TSPAN18: variants seen among roughly 807,000 people sequenced by gnomAD.
TSPAN18 encodes the protein tetraspanin-18.
In TSPAN18, 14 loss-of-function variants were observed where a neutral mutation model predicts 27.3. The observed-to-expected ratio is 0.51, with a 90% CI of 0.34 to 0.80. The LOEUF is 0.80. TSPAN18 is among the 30% of genes least tolerant of loss of function. TSPAN18 has a pLI of 0.01. For missense variants in TSPAN18, 268 were observed against 323.9 expected (o/e 0.83, Z 1.32); for synonymous variants, 143 against 136.5 (o/e 1.05, Z -0.33).
At chr11:44,786,332 C>T (rs572857909) in intron 2 of TSPAN18, among the ~76,000 whole-genome samples, 47 of 152,298 alleles carry the variant, frequency 3.1e-4, no homozygotes, top group African/African-American at 7.7e-4. Context: ...CCCCAGGCCT[C>T]CTCATGGGGA....
intron 2 of TSPAN18, among the ~76,000 whole-genome samples, chr11:44,850,702 GT>G (rs1368434767): frequency 4.0e-5 from 6 of 151,876 alleles, no homozygotes; most frequent in Non-Finnish European, 7.4e-5. Context: ...TTCACATAAG[GT>G]ATCTAAGGTC....
At chr11:44,903,677 A>T (rs1313011847) in intron 3 of TSPAN18, 1 of 455,844 alleles carries the variant, frequency 2.2e-6, no homozygotes, top group East Asian at 7.0e-5. Flanking sequence ...AGAGAGGATG[A>T]TGTCATCCGA....
intron 3 of TSPAN18, among the ~76,000 whole-genome samples, chr11:44,897,343 C>A (rs1859096437): frequency 6.6e-6 from 1 of 152,174 alleles, no homozygotes; most frequent in Admixed American, 6.5e-5. Context: ...AGTTGATGAA[C>A]AGGGCCCTGC....
chr11:44,752,834 A>G (rs1233472683), intron 1 of TSPAN18, among the ~76,000 whole-genome samples: 4 of 152,230 alleles, frequency 2.6e-5, no homozygotes, highest in Admixed American at 6.5e-5. Flanking sequence ...TTAATGCCCT[A>G]TAAGGCAGAA....
chr11:44,817,222 G>A (rs534557215), intron 2 of TSPAN18, among the ~76,000 whole-genome samples: 18 of 152,364 alleles, frequency 1.2e-4, no homozygotes, highest in African/African-American at 4.3e-4. Context: ...CCCTCACTGT[G>A]AGCTTGAGCA....
intron 1 of TSPAN18, among the ~76,000 whole-genome samples, chr11:44,751,667 C>G (rs1855213351): frequency 6.6e-6 from 1 of 152,078 alleles, no homozygotes; most frequent in Non-Finnish European, 1.5e-5. Flanking sequence ...CCTGTAATCC[C>G]AGCACTTTGG....
At chr11:44,929,105 T>A (rs770057466) in intron 9 of TSPAN18, 26 bp from the exon 10 acceptor site, 6 of 1,612,576 alleles carry the variant, frequency 3.7e-6, no homozygotes, top group Non-Finnish European at 5.1e-6. Flanking sequence ...GATAAGCCAG[T>A]TCCTGCTCTT....
chr11:44,905,833 G>T (rs1243419988), intron 3 of TSPAN18, among the ~76,000 whole-genome samples: 1 of 152,202 alleles, frequency 6.6e-6, no homozygotes, highest in African/African-American at 2.4e-5. Context: ...CCAGAAGCAG[G>T]TTTTAGATCC....
intron 5 of TSPAN18, among the ~76,000 whole-genome samples, chr11:44,911,498 C>T (rs1035733542): frequency 6.6e-6 from 1 of 152,178 alleles, no homozygotes; most frequent in Admixed American, 6.5e-5. Flanking sequence ...CAAAGAAAAA[C>T]TTTGAGCGCC....
intron 2 of TSPAN18, among the ~76,000 whole-genome samples, chr11:44,807,775 G>A (rs1051061305): frequency 3.3e-5 from 5 of 152,132 alleles, no homozygotes; most frequent in African/African-American, 9.7e-5. Context: ...AATGCCTTTG[G>A]ACATCAGTTT....
chr11:44,774,749 A>G (rs1855766193), intron 2 of TSPAN18, among the ~76,000 whole-genome samples: 1 of 152,114 alleles, frequency 6.6e-6, no homozygotes, highest in Non-Finnish European at 1.5e-5. Context: ...AGGACTCACC[A>G]CCTGATAGAA....
At chr11:44,824,657 G>T (rs989832377) in intron 2 of TSPAN18, among the ~76,000 whole-genome samples, 3 of 152,260 alleles carry the variant, frequency 2.0e-5, no homozygotes, top group Non-Finnish European at 4.4e-5. Flanking sequence ...CTGTGCCTGG[G>T]ATTCCAGAGG....
intron 2 of TSPAN18, among the ~76,000 whole-genome samples, chr11:44,815,991 A>G (rs1194131501): frequency 6.6e-6 from 1 of 152,086 alleles, no homozygotes; most frequent in East Asian, 1.9e-4. Flanking sequence ...GTGCAGCACA[A>G]ATGCAGTGGG....
chr11:44,900,693 T>C (rs1260756488), intron 3 of TSPAN18, among the ~76,000 whole-genome samples: 14 of 134,236 alleles, frequency 1.0e-4, no homozygotes, highest in Non-Finnish European at 2.2e-4. Context: ...TTTTTTTTTT[T>C]TTTTTTTTTT....
At chr11:44,832,076 G>A (rs886284959) in intron 2 of TSPAN18, among the ~76,000 whole-genome samples, 15 of 152,210 alleles carry the variant, frequency 9.9e-5, no homozygotes, top group East Asian at 5.8e-4. Context: ...GGAAAATAGC[G>A]GCCACCTGTC....
At chr11:44,903,586 C>T in intron 3 of TSPAN18, 1 of 456,492 alleles carries the variant, frequency 2.2e-6, no homozygotes, top group Non-Finnish European at 4.4e-6. Context: ...AGTCCCAGCC[C>T]AGAGGCTGCA....
Position 44,880,475 on chromosome 11 carries a change from C to T in TSPAN18, c.-11+20006C>T, listed in dbSNP as rs117737875. Among the ~76,000 whole-genome samples, 162 of 152,274 alleles carry T rather than the reference C, an allele frequency of 1.1e-3. 1 individual carries two copies. Among genetic ancestry groups the T allele is most frequent in the Non-Finnish European group, 1.9e-3 (126 of 68,036 alleles). On this transcript the variant is annotated intron_variant, in intron 3 of 9. Coordinates refer to ENST00000520358, the MANE Select transcript of TSPAN18 (RefSeq NM_130783.5). ...ATGTTATTAGCAGTAAATGAGAGTGCGGGTGAAGCACACAGAAGGTCTCCT... is the reference window on the plus strand; with the variant it reads ...ATGTTATTAGCAGTAAATGAGAGTGTGGGTGAAGCACACAGAAGGTCTCCT...
Position 44,929,430 on chromosome 11 carries a change from G to T in TSPAN18, c.*252G>T. 1 of 531,076 alleles carries T rather than the reference G, an allele frequency of 1.9e-6. No individual in the cohort carries two copies. Among genetic ancestry groups the T allele is most frequent in the South Asian group, 2.6e-5 (1 of 38,902 alleles). The allele number at this position is 531,076 out of a possible 1,614,324, so 32.9% of individuals were successfully genotyped here. A position where few individuals can be genotyped will look rare whatever the true frequency, so the allele number is the denominator to read the frequency against. On this transcript the variant is annotated 3_prime_UTR_variant, in exon 10 of 10. Coordinates refer to ENST00000520358, the MANE Select transcript of TSPAN18 (RefSeq NM_130783.5). ...GGTTCTCCAGAGACCCCAGCAACTG[G>T]CCCAGGATGCAGGCTGCTCTAGAGA...
intron 2 of TSPAN18, among the ~76,000 whole-genome samples, chr11:44,851,204 A>G (rs1306466764): frequency 6.6e-6 from 1 of 152,222 alleles, no homozygotes; most frequent in African/African-American, 2.4e-5. Flanking sequence ...CAGCCTGAGC[A>G]GTGGGCCAGC....
Sources: allele counts gnomAD v4.1 joint callset (sites outside exome capture counted in the v4.1 genomes callset), GRCh38; gene constraint gnomAD v4.1.1; transcripts MANE v1.5; gene names NCBI Gene and HGNC (gene_info 2026-07-23, HGNC 2026-07-21).